Variants in ATP2B2 observed in about 807,000 individuals in gnomAD.
ATP2B2 encodes the protein plasma membrane calcium-transporting ATPase 2.
In ATP2B2, 15 loss-of-function variants were observed where a neutral mutation model predicts 120.0. The ratio of observed to expected loss-of-function variants is 0.12; its 90% CI spans 0.08 to 0.19. The LOEUF is 0.19. ATP2B2 is among the 10% of genes least tolerant of loss of function. The pLI, the probability that ATP2B2 is intolerant of heterozygous loss-of-function variation, is 1.00. For synonymous variants in ATP2B2, 694 were observed against 700.3 expected, an observed-to-expected ratio of 0.99 and a Z score of 0.14; for missense variants, 1,045 against 1,719.8, an observed-to-expected ratio of 0.61 and a Z score of 6.94.
Position 10,325,936 on chromosome 3 carries a change from A to C in ATP2B2, c.*2878T>G, listed in dbSNP as rs188722250. The C allele has an allele frequency of 2.6e-5, 4 of 152,242 alleles. No individual in the cohort carries two copies. Among genetic ancestry groups the C allele is most frequent in the Admixed American group, 2.6e-4 (4 of 15,302 alleles). The allele number at this position is 152,242 out of a possible 1,614,324, so 9.4% of individuals were successfully genotyped here. Reference sequence around the variant, plus strand: ...AGTCCCAAAGTAGAAAAAAGTATACATTACAGATATATTTACTATGTTCTG... The same window carrying C: ...AGTCCCAAAGTAGAAAAAAGTATACCTTACAGATATATTTACTATGTTCTG... On this transcript the variant is annotated 3_prime_UTR_variant, in exon 23 of 23. Coordinates refer to ENST00000360273, the MANE Select transcript of ATP2B2 (RefSeq NM_001001331.4).
chr3:10,532,486 A>C (rs1274186490), intron 3 of ATP2B2, among the ~76,000 whole-genome samples: 1 of 152,126 alleles, frequency 6.6e-6, no homozygotes, highest in Non-Finnish European at 1.5e-5. Flanking sequence ...TTTCAGGAGG[A>C]GGAGAGGAGC....
intron 21 of ATP2B2, 76 bp from the exon 22 acceptor site, chr3:10,338,434 T>C: frequency 6.6e-7 from 1 of 1,513,094 alleles, no homozygotes; most frequent in Non-Finnish European, 9.1e-7. Flanking sequence ...CCCGCTCCTC[T>C]ACCTCCCTCC....
chr3:10,330,770 G>C (rs1425525720), intron 22 of ATP2B2, among the ~76,000 whole-genome samples: 2 of 152,228 alleles, frequency 1.3e-5, no homozygotes, highest in African/African-American at 4.8e-5. Context: ...CTCTTTTATG[G>C]AAGTGGAGTT....
chr3:10,707,709 G>A (rs1329843709), intron 1 of ATP2B2, among the ~76,000 whole-genome samples: 1 of 150,342 alleles, frequency 6.7e-6, no homozygotes, highest in Non-Finnish European at 1.5e-5. Context: ...CCGCCGCCTG[G>A]TGCCCGCTCA....
At chr3:10,527,274 C>T (rs2067115751) in intron 3 of ATP2B2, among the ~76,000 whole-genome samples, 1 of 152,188 alleles carries the variant, frequency 6.6e-6, no homozygotes, top group African/African-American at 2.4e-5. Flanking sequence ...GAAGGGCTCC[C>T]TCGCTTATCT....
At position 10,525,370 on chromosome 3, in the gene ATP2B2, GT is replaced by G. The variant is rs2067070958; in HGVS notation, c.-320+8668del. ...TACAATATCTTGAAATAACCTTTTT[GT>G]TTTAGAAGAGTTTTAGATTTACAAA... On this transcript the variant is annotated intron_variant, in intron 3 of 21. Transcript: ENST00000646379. Among the ~76,000 whole-genome samples, 5 of 152,224 alleles carry G rather than the reference GT, an allele frequency of 3.3e-5. No individual in the cohort carries two copies. The South Asian group carries it at 1.0e-3, about 32-fold the overall frequency.
chr3:10,571,494 T>C (rs1272889338), intron 2 of ATP2B2, among the ~76,000 whole-genome samples: 1 of 152,196 alleles, frequency 6.6e-6, no homozygotes, highest in Non-Finnish European at 1.5e-5. Context: ...CTGGGCCGTT[T>C]CCATAAGAAA....
intron 6 of ATP2B2, 147 bp from the exon 7 acceptor site, chr3:10,386,659 C>G: frequency 1.1e-6 from 1 of 926,440 alleles, no homozygotes; most frequent in Non-Finnish European, 1.7e-6. Context: ...ATGTGGCGGG[C>G]TCTAAGCAAT....
chr3:10,349,342 C>A (rs2060512828), intron 16 of ATP2B2, among the ~76,000 whole-genome samples: 1 of 152,156 alleles, frequency 6.6e-6, no homozygotes, highest in Non-Finnish European at 1.5e-5. Context: ...GTAGTCCTAG[C>A]TACTTGGGAG....
intron 2 of ATP2B2, among the ~76,000 whole-genome samples, chr3:10,595,342 C>T (rs1391089290): frequency 1.3e-5 from 2 of 152,220 alleles, no homozygotes; most frequent in Non-Finnish European, 2.9e-5. Flanking sequence ...TGGGCATCTC[C>T]TCTTCTAGGT....
intron 1 of ATP2B2, among the ~76,000 whole-genome samples, chr3:10,504,736 G>A (rs1006342448): frequency 6.6e-6 from 1 of 152,170 alleles, no homozygotes; most frequent in African/African-American, 2.4e-5. Context: ...AGCCTCAGGT[G>A]CCCTATCCCT....
chr3:10,413,634 C>T (rs966996956), intron 2 of ATP2B2, among the ~76,000 whole-genome samples: 3 of 152,190 alleles, frequency 2.0e-5, no homozygotes, highest in African/African-American at 4.8e-5. Context: ...ATGTACAGAG[C>T]GTGCAGGCAC....
intron 1 of ATP2B2, among the ~76,000 whole-genome samples, chr3:10,461,957 C>T (rs1188903470): frequency 2.6e-5 from 4 of 152,152 alleles, no homozygotes; most frequent in African/African-American, 9.7e-5. Context: ...TGGCACCTCC[C>T]TTCCTTCTTC....
At chr3:10,453,687 C>T (rs2064147300) in intron 1 of ATP2B2, among the ~76,000 whole-genome samples, 1 of 152,220 alleles carries the variant, frequency 6.6e-6, no homozygotes, top group Non-Finnish European at 1.5e-5. Flanking sequence ...GAGTGGCTTA[C>T]AGGCACTGAT....
intron 3 of ATP2B2, among the ~76,000 whole-genome samples, chr3:10,523,359 C>T (rs1168505038): frequency 6.6e-6 from 1 of 152,198 alleles, no homozygotes; most frequent in African/African-American, 2.4e-5. Context: ...CACTCTTAAA[C>T]GTTTCTCCTG....
At position 10,552,064 on chromosome 3, in the gene ATP2B2, G is replaced by C. The variant is rs532436603; in HGVS notation, c.-414-17931C>G. Reference sequence around the variant, plus strand: ...CAAAAGTTGCATAAGGAACCTCACTGTGCCTATCCTGGGGCCCAGTTTTGG... The same window carrying C: ...CAAAAGTTGCATAAGGAACCTCACTCTGCCTATCCTGGGGCCCAGTTTTGG... On this transcript the variant is annotated intron_variant, in intron 2 of 21. Transcript: ENST00000646379. Among the ~76,000 whole-genome samples the C allele has an allele frequency of 2.6e-3, 403 of 152,342 alleles. 1 individual carries two copies. Among genetic ancestry groups the C allele is most frequent in the African/African-American group, 9.1e-3 (380 of 41,574 alleles).
At chr3:10,597,577 C>G (rs373788365) in intron 2 of ATP2B2, among the ~76,000 whole-genome samples, 9 of 152,254 alleles carry the variant, frequency 5.9e-5, no homozygotes, top group African/African-American at 1.9e-4. Flanking sequence ...TTGCCAAGTG[C>G]CCCCTCACCC....
chr3:10,582,423 G>T (rs1575522413), intron 2 of ATP2B2, among the ~76,000 whole-genome samples: 2 of 152,320 alleles, frequency 1.3e-5, no homozygotes, highest in South Asian at 4.1e-4. Flanking sequence ...CCTGCACTGT[G>T]CCCATCCAGG....
intron 8 of ATP2B2, among the ~76,000 whole-genome samples, chr3:10,384,234 T>C (rs2061609029): frequency 6.6e-6 from 1 of 152,074 alleles, no homozygotes; most frequent in Non-Finnish European, 1.5e-5. Context: ...CAAGTCTCCA[T>C]ATTTTGCAGG....
Sources: gnomAD v4.1 joint callset for allele counts (sites outside exome capture counted in the v4.1 genomes callset) on GRCh38, gnomAD v4.1.1 for gene constraint, MANE v1.5 for transcripts, NCBI Gene and HGNC (gene_info 2026-07-23, HGNC 2026-07-21) for gene names.